Variants in NALF1 observed in about 807,000 individuals in gnomAD.
NALF1 encodes the protein family with sequence similarity 155 member A.
In NALF1, 3 loss-of-function variants were observed where a neutral mutation model predicts 48.4. The ratio of observed to expected loss-of-function variants is 0.06; its 90% confidence interval spans 0.03 to 0.16. The LOEUF (loss-of-function observed/expected upper bound fraction) is 0.16. NALF1 is among the 10% of genes least tolerant of loss of function. The probability of loss-of-function intolerance (pLI) is 1.00; values close to 1 mark genes in which losing one functional copy is unlikely to be tolerated. For synonymous variants in NALF1, 262 were observed against 245.7 expected, an observed-to-expected ratio of 1.07 and a Z score of -0.62; for missense variants, 526 against 571.5, an observed-to-expected ratio of 0.92 and a Z score of 0.81.
At chr13:107,836,725 A>T (rs1224731335) in intron 1 of NALF1, among the ~76,000 whole-genome samples, 1 of 152,232 alleles carries the variant, frequency 6.6e-6, no homozygotes, top group African/African-American at 2.4e-5. Context: ...CCTTTAAAAT[A>T]TTCACTAGCC....
intron 1 of NALF1, among the ~76,000 whole-genome samples, chr13:107,711,812 G>C (rs1875601578): frequency 6.6e-6 from 1 of 152,208 alleles, no homozygotes; most frequent in Admixed American, 6.5e-5. Flanking sequence ...AACGGAGATA[G>C]TCTAAGAATG....
chr13:107,335,634 T>C (rs1353391945), intron 1 of NALF1, among the ~76,000 whole-genome samples: 4 of 152,236 alleles, frequency 2.6e-5, no homozygotes, highest in Non-Finnish European at 5.9e-5. Flanking sequence ...TAGTTGATTG[T>C]ACTTCTTTTA....
intron 1 of NALF1, among the ~76,000 whole-genome samples, chr13:107,312,849 T>C (rs1192869804): frequency 3.9e-5 from 6 of 152,186 alleles, no homozygotes; most frequent in Non-Finnish European, 5.9e-5. Context: ...CATCTACCAA[T>C]ATAAAATTAT....
chr13:107,722,971 T>C (rs188499881), intron 1 of NALF1, among the ~76,000 whole-genome samples: 1 of 152,292 alleles, frequency 6.6e-6, no homozygotes, highest in Admixed American at 6.5e-5. Context: ...AATTCAGAAT[T>C]AGAAAATGTA....
At position 107,743,053 on chromosome 13, in the gene NALF1, C is replaced by T. The variant is rs528054220; in HGVS notation, c.915+122629G>A. On this transcript the variant is annotated intron_variant, in intron 1 of 2. Transcript: ENST00000375915. ...GACTGCTGGACATGCTCAGTCTGTG[C>T]TGGCTAGGCTGGGAGGCCTGGGAGT... Among the ~76,000 whole-genome samples, 91 of 152,306 alleles carry T rather than the reference C, an allele frequency of 6.0e-4. 1 individual carries two copies. Among genetic ancestry groups the T allele is most frequent in the African/African-American group, 2.2e-3 (91 of 41,566 alleles).
At chr13:107,474,946 T>G (rs1357657190) in intron 1 of NALF1, among the ~76,000 whole-genome samples, 2 of 152,204 alleles carry the variant, frequency 1.3e-5, no homozygotes, top group East Asian at 3.9e-4. Context: ...GCTTTCTGGT[T>G]CTTTTAATGA....
intron 1 of NALF1, among the ~76,000 whole-genome samples, chr13:107,311,548 T>C (rs1210512500): frequency 6.6e-6 from 1 of 150,512 alleles, no homozygotes; most frequent in East Asian, 1.9e-4. Context: ...ATTTATTAAA[T>C]TATATTTAAT....
chr13:107,707,839 C>A (rs192038780), intron 1 of NALF1, among the ~76,000 whole-genome samples: 1 of 152,280 alleles, frequency 6.6e-6, no homozygotes, highest in Non-Finnish European at 1.5e-5. Context: ...ATGTCTTTTG[C>A]TTGCAAATAA....
At chr13:107,218,491 C>G (rs1248356715) in intron 1 of NALF1, among the ~76,000 whole-genome samples, 1 of 152,138 alleles carries the variant, frequency 6.6e-6, no homozygotes, top group Non-Finnish European at 1.5e-5. Context: ...CCACCTGGCC[C>G]TGAGATCCTG....
chr13:107,616,126 C>T (rs1879372572), intron 1 of NALF1, among the ~76,000 whole-genome samples: 1 of 152,126 alleles, frequency 6.6e-6, no homozygotes, highest in African/African-American at 2.4e-5. Context: ...AAATTAATAC[C>T]TGCATAAACA....
At chr13:107,765,883 G>A (rs1877405141) in intron 1 of NALF1, among the ~76,000 whole-genome samples, 3 of 152,082 alleles carry the variant, frequency 2.0e-5, no homozygotes, top group Admixed American at 1.3e-4. Flanking sequence ...AAATATTTGA[G>A]GAACATGTCT....
intron 1 of NALF1, among the ~76,000 whole-genome samples, chr13:107,555,788 C>G (rs1877454674): frequency 6.6e-6 from 1 of 151,854 alleles, no homozygotes. Context: ...GGGAAAGCCT[C>G]TTTCAAATAA....
chr13:107,200,368 C>T (rs989215130), intron 2 of NALF1, among the ~76,000 whole-genome samples: 3 of 151,988 alleles, frequency 2.0e-5, no homozygotes, highest in Admixed American at 6.6e-5. Context: ...TGAATGAGCT[C>T]GGGGGGCGGT....
intron 1 of NALF1, among the ~76,000 whole-genome samples, chr13:107,794,006 C>T (rs552264839): frequency 6.6e-6 from 1 of 152,290 alleles, no homozygotes; most frequent in East Asian, 1.9e-4. Context: ...ATTCTTACTT[C>T]ACAGCAAGGT....
chr13:107,281,485 C>T (rs969226079), intron 1 of NALF1, among the ~76,000 whole-genome samples: 1 of 152,096 alleles, frequency 6.6e-6, no homozygotes, highest in Non-Finnish European at 1.5e-5. Flanking sequence ...GTGTGATGGT[C>T]CTGCTATAGG....
chr13:107,754,993 G>A (rs1877053494), intron 1 of NALF1, among the ~76,000 whole-genome samples: 1 of 152,180 alleles, frequency 6.6e-6, no homozygotes, highest in Non-Finnish European at 1.5e-5. Context: ...TAAATTGTAT[G>A]TGGTAGTAAT....
At chr13:107,361,158 A>G (rs1489058823) in intron 1 of NALF1, among the ~76,000 whole-genome samples, 12 of 152,200 alleles carry the variant, frequency 7.9e-5, no homozygotes, top group Admixed American at 7.9e-4. Flanking sequence ...GCACTCTATT[A>G]CCATAAATAT....
chr13:107,389,149 A>G (rs562226040), intron 1 of NALF1, among the ~76,000 whole-genome samples: 1 of 152,284 alleles, frequency 6.6e-6, no homozygotes, highest in African/African-American at 2.4e-5. Context: ...ATAATTTACT[A>G]TGTTACACGG....
intron 1 of NALF1, among the ~76,000 whole-genome samples, chr13:107,656,997 CTGTGTGGG>C (rs1880595833): frequency 6.6e-6 from 1 of 151,400 alleles, no homozygotes; most frequent in African/African-American, 2.4e-5. Flanking sequence ...ACTTTGAGGA[CTGTGTGGG>C]GGTGTGGGGT....
Sources: gnomAD v4.1 joint callset for allele counts (sites outside exome capture counted in the v4.1 genomes callset) on GRCh38, gnomAD v4.1.1 for gene constraint, MANE v1.5 for transcripts, NCBI Gene and HGNC (gene_info 2026-07-23, HGNC 2026-07-21) for gene names.